METTL15: variants seen among roughly 807,000 people sequenced by gnomAD.
The protein encoded by METTL15 is 12S rRNA N(4)-cytidine methyltransferase METTL15.
A neutral mutation model predicts 38.3 loss-of-function variants in METTL15; 34 were observed. That is an observed-to-expected ratio of 0.89 (90% CI 0.68 to 1.18). The LOEUF (loss-of-function observed/expected upper bound fraction) is 1.18, where lower values mean the gene tolerates loss of function less well. Ranked by LOEUF, METTL15 falls within the 50% of genes most tolerant of loss-of-function variation. The pLI, the probability that METTL15 is intolerant of heterozygous loss-of-function variation, is 0.00. For missense variants in METTL15, 438 were observed against 498.4 expected (o/e 0.88, Z 1.15); for synonymous variants, 162 against 170.9 (o/e 0.95, Z 0.41).
chr11:28,308,827 A>G (rs566651884), intron 6 of METTL15, among the ~76,000 whole-genome samples: 57 of 152,202 alleles, frequency 3.7e-4, no homozygotes, highest in Middle Eastern at 3.4e-3. Context: ...CTTCTTCATC[A>G]CTAAAGTGTC....
chr11:28,481,647 C>A (rs1156230750), intron 6 of METTL15, among the ~76,000 whole-genome samples: 1 of 152,136 alleles, frequency 6.6e-6, no homozygotes, highest in Non-Finnish European at 1.5e-5. Context: ...AGGATCACAT[C>A]CCATCCTGGC....
chr11:28,200,131 C>T (rs1480304535), intron 3 of METTL15, among the ~76,000 whole-genome samples: 1 of 152,100 alleles, frequency 6.6e-6, no homozygotes, highest in South Asian at 2.1e-4. Flanking sequence ...TTTCACTTCT[C>T]TACTCACCAC....
intron 5 of METTL15, among the ~76,000 whole-genome samples, chr11:28,388,094 T>C (rs1350414166): frequency 6.6e-6 from 1 of 152,062 alleles, no homozygotes; most frequent in Non-Finnish European, 1.5e-5. Flanking sequence ...ACTAACATAA[T>C]AGTGGTGAAA....
chr11:28,180,854 C>G (rs1432716399), intron 3 of METTL15, among the ~76,000 whole-genome samples: 1 of 151,762 alleles, frequency 6.6e-6, no homozygotes, highest in Admixed American at 6.6e-5. Flanking sequence ...TGAACTCTGA[C>G]AACTGCCATT....
downstream of METTL15, among the ~76,000 whole-genome samples, chr11:28,333,712 A>G (rs186694543): frequency 3.9e-5 from 6 of 152,076 alleles, no homozygotes; most frequent in African/African-American, 9.6e-5. Context: ...CTTGAAAGAC[A>G]CTATATCTAT....
chr11:28,272,572 G>T (rs1855687324), intron 4 of METTL15, among the ~76,000 whole-genome samples: 1 of 152,126 alleles, frequency 6.6e-6, no homozygotes. Context: ...CTGCCAGGGG[G>T]TGTGCGTTCA....
intron 3 of METTL15, chr11:28,144,839 A>G (rs1223361827): frequency 6.5e-6 from 1 of 153,312 alleles, no homozygotes; most frequent in African/African-American, 2.4e-5. Flanking sequence ...CTGATCACAC[A>G]TGATCCAAGA....
At chr11:28,115,229 C>T (rs974186753) in intron 3 of METTL15, among the ~76,000 whole-genome samples, 1 of 151,932 alleles carries the variant, frequency 6.6e-6, no homozygotes, top group Non-Finnish European at 1.5e-5. Context: ...AAAACATAAA[C>T]ACATATTTCT....
rs1312569517 is a variant in METTL15 at position 28,389,091 on chromosome 11, T to C, written c.*358+27055T>C. On this transcript the variant is annotated intron_variant and NMD_transcript_variant, in intron 5 of 7. Coordinates refer to the METTL15 transcript ENST00000532947. ...TAATCCAGTCTATCGTTGTAGGATA[T>C]GTGGGTTGGTTCCAAGTCTTTGCTA... Among the ~76,000 whole-genome samples, 3 of 152,168 alleles carry C rather than the reference T, an allele frequency of 2.0e-5. No individual in the cohort carries two copies. In the East Asian group the frequency reaches 5.8e-4, roughly 30 times the overall value.
chr11:28,135,010 T>G (rs1849468969), intron 3 of METTL15, among the ~76,000 whole-genome samples: 1 of 152,198 alleles, frequency 6.6e-6, no homozygotes, highest in Admixed American at 6.5e-5. Context: ...CAGATTTTTA[T>G]CACCCATCCC....
At chr11:28,385,709 A>G (rs1233479291) in intron 5 of METTL15, among the ~76,000 whole-genome samples, 1 of 152,120 alleles carries the variant, frequency 6.6e-6, no homozygotes, top group Admixed American at 6.6e-5. Flanking sequence ...TGGTAGAAAT[A>G]GCATCTGTAA....
intron 4 of METTL15, among the ~76,000 whole-genome samples, chr11:28,221,769 A>C (rs1383943481): frequency 6.6e-6 from 1 of 152,050 alleles, no homozygotes; most frequent in Non-Finnish European, 1.5e-5. Context: ...TTTCCTTCTA[A>C]CAGTCAGGAC....
rs189612673 is a variant in METTL15 at position 28,381,815 on chromosome 11, T to C, written c.*358+19779T>C. ...GCTTCCTTAAAACTGGTATTTTGAA[T>C]TCTTGGTCAGATAATTCACATATTG... On this transcript the variant is annotated intron_variant and NMD_transcript_variant, in intron 5 of 7. Coordinates refer to the METTL15 transcript ENST00000532947. Among the ~76,000 whole-genome samples the C allele has an allele frequency of 2.8e-3, 428 of 152,326 alleles. 1 individual carries two copies. Among genetic ancestry groups the C allele is most frequent in the African/African-American group, 9.3e-3 (388 of 41,590 alleles).
Position 28,113,579 on chromosome 11 carries a change from A to G in METTL15, c.245A>G (p.His82Arg). The change falls in exon 3 of 7, where the codon CAT (histidine) becomes CGT (arginine). Residue 82 changes from histidine (H) to arginine (R), a missense_variant. By Grantham distance (29) the His-to-Arg change is conservative. Transcript: ENST00000407364. ...HIPVMVDEVV[H>R]CLSPQKGQIF... ...CCAGTAATGGTGGATGAAGTTGTTC[A>G]TTGTTTGTCACCACAAAAAGGACAG... 1.2e-6 allele frequency: 2 copies of G among 1,610,818 alleles called. No individual in the cohort carries two copies. Among genetic ancestry groups the G allele is most frequent in the Non-Finnish European group, 8.5e-7 (1 of 1,178,414 alleles).
intron 4 of METTL15, among the ~76,000 whole-genome samples, chr11:28,361,680 C>T (rs1332718910): frequency 6.6e-6 from 1 of 151,708 alleles, no homozygotes; most frequent in African/African-American, 2.4e-5. Flanking sequence ...GTATAAAAGC[C>T]CTATAGTACT....
intron 5 of METTL15, among the ~76,000 whole-genome samples, chr11:28,421,455 C>T (rs945428225): frequency 2.6e-5 from 4 of 151,904 alleles, no homozygotes; most frequent in African/African-American, 7.2e-5. Flanking sequence ...ATACAAAAAT[C>T]GTCAACAGTA....
intron 4 of METTL15, among the ~76,000 whole-genome samples, chr11:28,359,837 C>A (rs1205191613): frequency 6.6e-6 from 1 of 152,112 alleles, no homozygotes; most frequent in Admixed American, 6.5e-5. Context: ...TATGAAATAA[C>A]TTTAATTATA....
At chr11:28,217,767 T>C (rs187621002) in intron 4 of METTL15, among the ~76,000 whole-genome samples, 105 of 152,326 alleles carry the variant, frequency 6.9e-4, no homozygotes, top group African/African-American at 2.3e-3. Context: ...AGTTTCAGCT[T>C]TCTACATATG....
At chr11:28,181,351 A>G (rs899506487) in intron 3 of METTL15, among the ~76,000 whole-genome samples, 1 of 145,248 alleles carries the variant, frequency 6.9e-6, no homozygotes, top group Non-Finnish European at 1.5e-5. Context: ...GTGGTTTGCC[A>G]TACTCATCAA....
Sources: gnomAD v4.1 joint callset for allele counts (sites outside exome capture counted in the v4.1 genomes callset) on GRCh38, gnomAD v4.1.1 for gene constraint, MANE v1.5 for transcripts, NCBI Gene and HGNC (gene_info 2026-07-23, HGNC 2026-07-21) for gene names.